Variants in ALCAM observed in about 807,000 individuals in gnomAD.
The protein encoded by ALCAM is CD166 antigen.
Under a neutral mutation model 70.9 loss-of-function variants are expected in ALCAM, and 30 were observed. The ratio of observed to expected loss-of-function variants is 0.42; its 90% CI spans 0.32 to 0.57. The LOEUF (loss-of-function observed/expected upper bound fraction) is 0.57, where lower values mean the gene tolerates loss of function less well. ALCAM is among the 20% of genes least tolerant of loss of function. ALCAM has a pLI of 0.11. For synonymous variants in ALCAM, 249 were observed against 242.5 expected, an observed-to-expected ratio of 1.03 and a Z score of -0.25; for missense variants, 591 against 695.1, an observed-to-expected ratio of 0.85 and a Z score of 1.68.
At chr3:105,378,300 G>T (rs1250055881) in intron 1 of ALCAM, among the ~76,000 whole-genome samples, 2 of 151,868 alleles carry the variant, frequency 1.3e-5, no homozygotes, top group Admixed American at 1.3e-4. Flanking sequence ...CATAATGGAG[G>T]TAATGTTTGT....
chr3:105,486,810 T>C (rs1434656090), intron 1 of ALCAM, among the ~76,000 whole-genome samples: 1 of 152,182 alleles, frequency 6.6e-6, no homozygotes, highest in African/African-American at 2.4e-5. Context: ...AGTTTCCATT[T>C]ATCTTTCAAC....
intron 1 of ALCAM, among the ~76,000 whole-genome samples, chr3:105,438,267 A>C (rs1937093813): frequency 6.6e-6 from 1 of 152,046 alleles, no homozygotes; most frequent in African/African-American, 2.4e-5. Flanking sequence ...ACTTTATACT[A>C]TACTTAACAT....
intron 1 of ALCAM, among the ~76,000 whole-genome samples, chr3:105,448,918 G>C (rs1167962456): frequency 6.6e-6 from 1 of 152,196 alleles, no homozygotes; most frequent in African/African-American, 2.4e-5. Context: ...CAGGGCTTCA[G>C]TTTAGGCAAA....
At chr3:105,378,950 A>G (rs916897647) in intron 1 of ALCAM, among the ~76,000 whole-genome samples, 1 of 151,936 alleles carries the variant, frequency 6.6e-6, no homozygotes, top group African/African-American at 2.4e-5. Flanking sequence ...TAAGAAGACT[A>G]TTCTCCAGGC....
intron 1 of ALCAM, among the ~76,000 whole-genome samples, chr3:105,457,720 C>T (rs1937553053): frequency 6.6e-6 from 1 of 152,066 alleles, no homozygotes; most frequent in Admixed American, 6.5e-5. Flanking sequence ...AGCAAGCCCC[C>T]AAAACAGGGA....
chr3:105,557,824 G>A (rs561428676), intron 14 of ALCAM, among the ~76,000 whole-genome samples: 1 of 152,148 alleles, frequency 6.6e-6, no homozygotes, highest in African/African-American at 2.4e-5. Flanking sequence ...CTATTTCTTT[G>A]TAGAGTCTTA....
At chr3:105,422,510 T>C (rs1248669055) in intron 1 of ALCAM, among the ~76,000 whole-genome samples, 1 of 151,528 alleles carries the variant, frequency 6.6e-6, no homozygotes, top group South Asian at 2.1e-4. Context: ...AGATATTTTA[T>C]AGCCTTGGGC....
chr3:105,480,507 G>A (rs557094932), intron 1 of ALCAM, among the ~76,000 whole-genome samples: 35 of 152,204 alleles, frequency 2.3e-4, no homozygotes, highest in Middle Eastern at 6.8e-3. Context: ...TTTCTAAGAG[G>A]TGGTTTGAGA....
At chr3:105,573,781 A>T (rs1034572923) in intron 15 of ALCAM, among the ~76,000 whole-genome samples, 1 of 152,228 alleles carries the variant, frequency 6.6e-6, no homozygotes, top group African/African-American at 2.4e-5. Context: ...CCTCGGGTTC[A>T]TTATAAATAA....
In ALCAM at chr3:105,576,855, A is replaced by G. The variant is rs747364515; in HGVS notation, c.*2404A>G. The G allele has an allele frequency of 6.6e-6, 1 of 152,174 alleles. No individual in the cohort carries two copies. The highest frequency in any genetic ancestry group is 1.5e-5 in the Non-Finnish European group (1 of 68,020). The allele number at this position is 152,174 out of a possible 1,614,324, so 9.4% of individuals were successfully genotyped here. On this transcript the variant is annotated 3_prime_UTR_variant, in exon 16 of 16. Coordinates refer to ENST00000306107, the MANE Select transcript of ALCAM (RefSeq NM_001627.4). ...GAATTGTTTGTGGAAATGGATTAAC[A>G]TACCCGTCTATGCCTAAAAGATAAT...
chr3:105,433,011 A>G (rs1936971101), intron 1 of ALCAM, among the ~76,000 whole-genome samples: 1 of 152,152 alleles, frequency 6.6e-6, no homozygotes, highest in African/African-American at 2.4e-5. Context: ...TGTTCAGAAG[A>G]CTTTAAGAAG....
At chr3:105,451,025 C>T (rs1289059141) in intron 1 of ALCAM, among the ~76,000 whole-genome samples, 1 of 151,272 alleles carries the variant, frequency 6.6e-6, no homozygotes, top group African/African-American at 2.4e-5. Flanking sequence ...GAGTGTAAAA[C>T]AGGAAAGGCA....
intron 1 of ALCAM, among the ~76,000 whole-genome samples, chr3:105,378,414 A>G (rs548801101): frequency 4.6e-5 from 7 of 151,986 alleles, no homozygotes; most frequent in East Asian, 3.9e-4. Context: ...CATTTTCCCT[A>G]CCTGGTGATA....
intron 1 of ALCAM, among the ~76,000 whole-genome samples, chr3:105,391,916 G>C (rs764319879): frequency 6.6e-6 from 1 of 152,042 alleles, no homozygotes; most frequent in Non-Finnish European, 1.5e-5. Context: ...TGCATCTGGG[G>C]ATGAAGCCAA....
At chr3:105,570,044 C>T (rs1940829237) in intron 14 of ALCAM, among the ~76,000 whole-genome samples, 1 of 151,966 alleles carries the variant, frequency 6.6e-6, no homozygotes, top group Non-Finnish European at 1.5e-5. Flanking sequence ...AAAGGGGGAG[C>T]CATAGCTGAT....
intron 1 of ALCAM, among the ~76,000 whole-genome samples, chr3:105,414,865 G>C (rs1304963965): frequency 1.3e-5 from 2 of 152,076 alleles, no homozygotes; most frequent in East Asian, 3.9e-4. Context: ...TTTTATTTGA[G>C]AAAGATAACC....
At chr3:105,460,299 CT>C (rs1937585956) in intron 1 of ALCAM, among the ~76,000 whole-genome samples, 1 of 151,980 alleles carries the variant, frequency 6.6e-6, no homozygotes, top group Non-Finnish European at 1.5e-5. Flanking sequence ...CACAGATTTC[CT>C]GTTTCTCTCA....
At position 105,542,311 on chromosome 3, in the gene ALCAM, A is replaced by G. The variant is rs959274229; in HGVS notation, c.991+546A>G. Among the ~76,000 whole-genome samples the G allele has an allele frequency of 2.6e-5, 4 of 151,978 alleles. No homozygotes were observed. The East Asian group carries it at 7.8e-4, about 30-fold the overall frequency. ...GAACCTCTTGAAAATCACTGTGGACATAACTTTTTAACTTTTAATTTGCTT... is the reference window on the plus strand; with the variant it reads ...GAACCTCTTGAAAATCACTGTGGACGTAACTTTTTAACTTTTAATTTGCTT... On this transcript the variant is annotated intron_variant, in intron 8 of 15. Transcript: ENST00000306107.
intron 1 of ALCAM, among the ~76,000 whole-genome samples, chr3:105,464,855 A>G (rs1937669912): frequency 6.6e-6 from 1 of 151,416 alleles, no homozygotes; most frequent in Non-Finnish European, 1.5e-5. Context: ...AGGATTTAAC[A>G]GATTTTGACA....
Sources: allele counts gnomAD v4.1 joint callset (sites outside exome capture counted in the v4.1 genomes callset), GRCh38; gene constraint gnomAD v4.1.1; transcripts MANE v1.5; gene names NCBI Gene and HGNC (gene_info 2026-07-23, HGNC 2026-07-21).